ZNF423: variants seen among roughly 807,000 people sequenced by gnomAD.
The protein encoded by ZNF423 is Ebf-associated zinc finger protein.
ZNF423 carries 12 observed loss-of-function variants against 95.8 expected under a neutral mutation model. The observed-to-expected ratio is 0.13, with a 90% confidence interval of 0.08 to 0.20. The LOEUF (loss-of-function observed/expected upper bound fraction) is 0.20. Among genes scored for constraint, ZNF423 ranks in the 10% least tolerant of loss-of-function variants. ZNF423 has a pLI of 1.00. For missense variants in ZNF423, 1,316 were observed against 1,737.1 expected, an observed-to-expected ratio of 0.76 and a Z score of 4.31; for synonymous variants, 749 against 711.9, an observed-to-expected ratio of 1.05 and a Z score of -0.83.
intron 3 of ZNF423, among the ~76,000 whole-genome samples, chr16:49,681,108 A>T (rs2151937290): frequency 6.6e-6 from 1 of 152,352 alleles, no homozygotes; most frequent in Non-Finnish European, 1.5e-5. Context: ...CCCAAACTCG[A>T]CAGTCAGGGA....
chr16:49,489,179 T>C lies in ZNF423; in HGVS notation c.*2096A>G, dbSNP rs144709322. 3 of 152,434 alleles carry C rather than the reference T, an allele frequency of 2.0e-5. No homozygotes were observed. Among genetic ancestry groups the C allele is most frequent in the African/African-American group, 7.2e-5 (3 of 41,580 alleles). The allele number at this position is 152,434 out of a possible 1,614,324, so 9.4% of individuals were successfully genotyped here. A position where few individuals can be genotyped will look rare whatever the true frequency, so the allele number is the denominator to read the frequency against. Reference sequence around the variant, plus strand: ...TTACTGAGGGCTCACCTGGGCTCCATGGGGTTTGGGATAAATCCAGAGCTG... The same window carrying C: ...TTACTGAGGGCTCACCTGGGCTCCACGGGGTTTGGGATAAATCCAGAGCTG... On this transcript the variant is annotated 3_prime_UTR_variant, in exon 8 of 8. Transcript: ENST00000563137.
intron 1 of ZNF423, among the ~76,000 whole-genome samples, chr16:49,807,489 T>C (rs988919153): frequency 2.0e-5 from 3 of 151,938 alleles, no homozygotes; most frequent in African/African-American, 7.3e-5. Flanking sequence ...CGAACTGTAA[T>C]GTCTGGTTCC....
At chr16:49,787,955 G>T (rs1055661768) in intron 2 of ZNF423, among the ~76,000 whole-genome samples, 7 of 152,184 alleles carry the variant, frequency 4.6e-5, no homozygotes, top group African/African-American at 7.2e-5. Context: ...TCTGAGACAC[G>T]GCGCCTTATG....
At chr16:49,690,427 G>T (rs1178135494) in intron 3 of ZNF423, among the ~76,000 whole-genome samples, 1 of 152,224 alleles carries the variant, frequency 6.6e-6, no homozygotes, top group Non-Finnish European at 1.5e-5. Context: ...GGAGGCTGAG[G>T]CAAGAGAATC....
chr16:49,496,540 A>G (rs1967173496), intron 7 of ZNF423, among the ~76,000 whole-genome samples: 1 of 152,204 alleles, frequency 6.6e-6, no homozygotes, highest in Non-Finnish European at 1.5e-5. Flanking sequence ...CTCACCAGAA[A>G]CAGATGGTGG....
chr16:49,583,229 G>T (rs550601292), intron 5 of ZNF423, among the ~76,000 whole-genome samples: 1 of 152,334 alleles, frequency 6.6e-6, no homozygotes, highest in East Asian at 1.9e-4. Flanking sequence ...ACTTGCAATG[G>T]TGGGTTTTTT....
chr16:49,799,378 A>C (rs1458434815), intron 1 of ZNF423, among the ~76,000 whole-genome samples: 1 of 152,152 alleles, frequency 6.6e-6, no homozygotes, highest in Non-Finnish European at 1.5e-5. Flanking sequence ...CTGAGTTTTG[A>C]GCAGTGAGAT....
At chr16:49,524,552 C>A (rs988366017) in intron 6 of ZNF423, among the ~76,000 whole-genome samples, 2 of 152,162 alleles carry the variant, frequency 1.3e-5, no homozygotes, top group African/African-American at 4.8e-5. Context: ...AGAGTGGACA[C>A]CCCTGGGCCT....
chr16:49,640,064 G>C (rs901350548), intron 3 of ZNF423, among the ~76,000 whole-genome samples: 2 of 152,148 alleles, frequency 1.3e-5, no homozygotes, highest in Admixed American at 6.5e-5. Context: ...CAAAAGCTCA[G>C]ATTCGGCTCC....
intron 5 of ZNF423, among the ~76,000 whole-genome samples, chr16:49,619,513 T>C (rs1195156050): frequency 6.6e-6 from 1 of 152,080 alleles, no homozygotes; most frequent in Non-Finnish European, 1.5e-5. Flanking sequence ...CCAAGTCCTT[T>C]GGGCTGGTTC....
At chr16:49,797,105 C>A (rs935384660) in intron 1 of ZNF423, among the ~76,000 whole-genome samples, 1 of 152,122 alleles carries the variant, frequency 6.6e-6, no homozygotes, top group African/African-American at 2.4e-5. Context: ...GGGAAACCCT[C>A]TCACACACTG....
chr16:49,676,506 G>A (rs1031623822), intron 3 of ZNF423, among the ~76,000 whole-genome samples: 1 of 152,142 alleles, frequency 6.6e-6, no homozygotes, highest in East Asian at 1.9e-4. Context: ...GGTGACTCTA[G>A]GGAACAAAAA....
intron 1 of ZNF423, among the ~76,000 whole-genome samples, chr16:49,793,148 G>T (rs1030620633): frequency 6.6e-6 from 1 of 151,932 alleles, no homozygotes; most frequent in African/African-American, 2.4e-5. Context: ...AGCAATGAGT[G>T]TGAGGTTTTT....
intron 1 of ZNF423, among the ~76,000 whole-genome samples, chr16:49,814,614 T>C (rs2034807949): frequency 6.6e-6 from 1 of 151,450 alleles, no homozygotes; most frequent in African/African-American, 2.4e-5. Flanking sequence ...ACTCCAATCC[T>C]CCAAGGTCCT....
At chr16:49,813,405 G>A (rs952243406) in intron 1 of ZNF423, among the ~76,000 whole-genome samples, 3 of 152,094 alleles carry the variant, frequency 2.0e-5, no homozygotes, top group African/African-American at 4.8e-5. Context: ...CCCCAGCCTC[G>A]GATAACAGCA....
chr16:49,749,802 G>A (rs1340156875), intron 2 of ZNF423, among the ~76,000 whole-genome samples: 1 of 151,582 alleles, frequency 6.6e-6, no homozygotes, highest in Non-Finnish European at 1.5e-5. Context: ...TTGGGGAGGG[G>A]TGGGGGTGGG....
chr16:49,623,690 C>T (rs867374072), intron 5 of ZNF423, among the ~76,000 whole-genome samples: 1 of 152,204 alleles, frequency 6.6e-6, no homozygotes, highest in East Asian at 1.9e-4. Flanking sequence ...CCACCAATCT[C>T]CCTGTCAGGC....
intron 5 of ZNF423, among the ~76,000 whole-genome samples, chr16:49,613,176 C>T (rs1465219836): frequency 1.3e-5 from 2 of 151,930 alleles, no homozygotes; most frequent in Admixed American, 1.3e-4. Context: ...CAAGATTATT[C>T]TAAGATATAT....
At chr16:49,583,226 A>G (rs745521498) in intron 5 of ZNF423, among the ~76,000 whole-genome samples, 3 of 152,200 alleles carry the variant, frequency 2.0e-5, no homozygotes, top group Non-Finnish European at 4.4e-5. Context: ...CCAACTTGCA[A>G]TGGTGGGTTT....
Sources: allele counts gnomAD v4.1 joint callset (sites outside exome capture counted in the v4.1 genomes callset), GRCh38; gene constraint gnomAD v4.1.1; transcripts MANE v1.5; gene names NCBI Gene and HGNC (gene_info 2026-07-23, HGNC 2026-07-21).